The following PRICKLE1 variants were observed in gnomAD, a reference collection of about 807,000 sequenced individuals.
PRICKLE1 encodes prickle planar cell polarity protein 1, also known as prickle-like protein 1.
A neutral mutation model predicts 70.2 loss-of-function variants in PRICKLE1; 14 were observed. The ratio of observed to expected loss-of-function variants is 0.20; its 90% CI spans 0.13 to 0.31. The LOEUF (loss-of-function observed/expected upper bound fraction) is 0.31. Ranked by LOEUF, PRICKLE1 falls within the 10% of genes least tolerant of loss-of-function variation. PRICKLE1 has a pLI of 1.00. For synonymous variants in PRICKLE1, 357 were observed against 379.9 expected (o/e 0.94, Z 0.70); for missense variants, 821 against 1,026.2 (o/e 0.80, Z 2.73).
intron 1 of PRICKLE1, among the ~76,000 whole-genome samples, chr12:42,579,280 TGACTTTTGA>T (rs1940858480): frequency 6.6e-6 from 1 of 152,240 alleles, no homozygotes; most frequent in South Asian, 2.1e-4. Flanking sequence ...TGACATCAGA[TGACTTTTGA>T]GCAGAGACCT....
Position 42,494,796 on chromosome 12 carries a change from G to A in PRICKLE1, c.-48-22232C>T, listed in dbSNP as rs1397085939. Reference sequence around the variant, plus strand: ...CACTCCAGCCTGGGTGACAGAGTGAGACTCTGTCTCTAAAAAAAAAAAAAA... The same window carrying A: ...CACTCCAGCCTGGGTGACAGAGTGAAACTCTGTCTCTAAAAAAAAAAAAAA... On this transcript the variant is annotated intron_variant, in intron 1 of 7. Transcript: ENST00000345127. Among the ~76,000 whole-genome samples, 5 of 139,160 alleles carry A rather than the reference G, an allele frequency of 3.6e-5. No homozygotes were observed. In the East Asian group the frequency reaches 1.1e-3, roughly 30 times the overall value. 91.3% of individuals were successfully genotyped at this position (139,160 alleles called of 152,430 possible).
chr12:42,515,855 T>G (rs562817280), intron 1 of PRICKLE1, among the ~76,000 whole-genome samples: 76 of 152,320 alleles, frequency 5.0e-4, no homozygotes, highest in African/African-American at 1.8e-3. Flanking sequence ...TGATGTACAT[T>G]GGTATGAATC....
At chr12:42,472,972 C>A (rs1938384291) in intron 1 of PRICKLE1, among the ~76,000 whole-genome samples, 1 of 152,174 alleles carries the variant, frequency 6.6e-6, no homozygotes, top group Non-Finnish European at 1.5e-5. Flanking sequence ...CACTACTATG[C>A]CCCAGGAAAA....
chr12:42,543,488 G>A lies in PRICKLE1; in HGVS notation c.-49+45977C>T, dbSNP rs185599578. ...GCTGGGACTATGGGTATGTGCCACC[G>A]CATCCAGCTCTACATGGAACTTTTG... On this transcript the variant is annotated intron_variant, in intron 1 of 7. Coordinates refer to ENST00000345127, the MANE Select transcript of PRICKLE1 (RefSeq NM_153026.3). Among the ~76,000 whole-genome samples, 251 of 151,496 alleles carry A rather than the reference G, an allele frequency of 1.7e-3. 1 individual carries two copies. Among genetic ancestry groups the A allele is most frequent in the African/African-American group, 4.7e-3 (196 of 41,344 alleles).
intron 1 of PRICKLE1, among the ~76,000 whole-genome samples, chr12:42,566,170 C>G (rs1012736998): frequency 2.0e-5 from 3 of 152,136 alleles, no homozygotes; most frequent in Admixed American, 2.0e-4. Context: ...TGGAAGAGGC[C>G]AGAAGCCTGG....
chr12:42,511,149 A>C (rs1939506317), intron 1 of PRICKLE1, among the ~76,000 whole-genome samples: 1 of 152,240 alleles, frequency 6.6e-6, no homozygotes, highest in Non-Finnish European at 1.5e-5. Flanking sequence ...CTGTGCCTGC[A>C]GGGCAGTCAA....
chr12:42,545,930 G>T (rs971410372), intron 1 of PRICKLE1, among the ~76,000 whole-genome samples: 2 of 150,726 alleles, frequency 1.3e-5, no homozygotes, highest in Admixed American at 1.3e-4. Context: ...GGAGATTCTT[G>T]AAAGTTATTT....
intron 1 of PRICKLE1, among the ~76,000 whole-genome samples, chr12:42,475,594 A>G (rs953652814): frequency 6.6e-6 from 1 of 152,184 alleles, no homozygotes; most frequent in Non-Finnish European, 1.5e-5. Flanking sequence ...AAAATGACAC[A>G]ACTGGAAGGT....
At chr12:42,549,572 A>T (rs1940273902) in intron 1 of PRICKLE1, among the ~76,000 whole-genome samples, 1 of 152,104 alleles carries the variant, frequency 6.6e-6, no homozygotes, top group Non-Finnish European at 1.5e-5. Flanking sequence ...TATCTCTAGA[A>T]TGCACAAGCC....
intron 1 of PRICKLE1, among the ~76,000 whole-genome samples, chr12:42,569,639 CTT>C (rs1272439287): frequency 4.6e-5 from 7 of 152,158 alleles, no homozygotes; most frequent in Non-Finnish European, 1.0e-4. Context: ...TTTCAGCTGT[CTT>C]AGAGAAAAAG....
chr12:42,517,733 CCCTTGAGG>C (rs1340319550), intron 1 of PRICKLE1, among the ~76,000 whole-genome samples: 2 of 152,168 alleles, frequency 1.3e-5, no homozygotes, highest in East Asian at 3.9e-4. Flanking sequence ...CACCCTACAA[CCCTTGAGG>C]TCCCTAGTCT....
intron 1 of PRICKLE1, among the ~76,000 whole-genome samples, chr12:42,571,331 T>C (rs1380720301): frequency 1.3e-5 from 2 of 152,228 alleles, no homozygotes; most frequent in Non-Finnish European, 2.9e-5. Flanking sequence ...ACTGGTTTTA[T>C]GAAGAGGTAT....
At chr12:42,577,145 C>CA (rs1176594461) in intron 1 of PRICKLE1, among the ~76,000 whole-genome samples, 1 of 152,216 alleles carries the variant, frequency 6.6e-6, no homozygotes, top group East Asian at 1.9e-4. Flanking sequence ...TGTGTGTCAA[C>CA]AAGTGAACAT....
chr12:42,508,666 A>G (rs929613669), intron 1 of PRICKLE1, among the ~76,000 whole-genome samples: 1 of 152,228 alleles, frequency 6.6e-6, no homozygotes, highest in East Asian at 1.9e-4. Context: ...AAGTATTTCA[A>G]AATTGCCTGG....
At chr12:42,476,376 T>A (rs1938532447) in intron 1 of PRICKLE1, among the ~76,000 whole-genome samples, 1 of 151,818 alleles carries the variant, frequency 6.6e-6, no homozygotes, top group Non-Finnish European at 1.5e-5. Context: ...GAGACGGGGT[T>A]TCTCCATGTT....
chr12:42,526,841 G>A (rs1045380185), intron 1 of PRICKLE1, among the ~76,000 whole-genome samples: 6 of 151,784 alleles, frequency 4.0e-5, no homozygotes, highest in Admixed American at 2.6e-4. Flanking sequence ...TGATGACGAC[G>A]ATGATGATGA....
chr12:42,586,908 G>A (rs573476820), intron 1 of PRICKLE1, among the ~76,000 whole-genome samples: 1 of 152,322 alleles, frequency 6.6e-6, no homozygotes, highest in East Asian at 1.9e-4. Flanking sequence ...TATCAAAAGA[G>A]AGAATATTAG....
chr12:42,485,278 CTT>C (rs1938965084), intron 1 of PRICKLE1: 1 of 98,188 alleles, frequency 1.0e-5, no homozygotes, highest in African/African-American at 3.9e-5. Context: ...TTGTTACTCT[CTT>C]AAAGTGGCAG....
At chr12:42,527,917 ATATATATATATATATATATATAT>A (rs1317975128) in intron 1 of PRICKLE1, among the ~76,000 whole-genome samples, 4 of 117,644 alleles carry the variant, frequency 3.4e-5, no homozygotes, top group Non-Finnish European at 6.9e-5. Flanking sequence ...ACTCTTTATA[ATATATATATATATATATATATAT>A]ATATATATAT....
Sources: gnomAD v4.1 joint callset for allele counts (sites outside exome capture counted in the v4.1 genomes callset) on GRCh38, gnomAD v4.1.1 for gene constraint, MANE v1.5 for transcripts, NCBI Gene and HGNC (gene_info 2026-07-23, HGNC 2026-07-21) for gene names.